The following MFHAS1 variants were observed in gnomAD, a reference collection of about 807,000 sequenced individuals.
MFHAS1 encodes the protein multifunctional ROCO family signaling regulator 1.
In MFHAS1, 50 loss-of-function variants were observed where a neutral mutation model predicts 70.4. The ratio of observed to expected loss-of-function variants is 0.71; its 90% CI spans 0.57 to 0.90. MFHAS1 has a LOEUF of 0.90. MFHAS1 is among the 40% of genes least tolerant of loss of function. The pLI is 0.00. For missense variants in MFHAS1, 1,795 were observed against 1,347.6 expected, an observed-to-expected ratio of 1.33 and a Z score of -5.20; for synonymous variants, 952 against 620.0, an observed-to-expected ratio of 1.54 and a Z score of -7.96.
intron 1 of MFHAS1, among the ~76,000 whole-genome samples, chr8:8,803,830 G>A (rs1057451717): frequency 1.4e-4 from 21 of 151,954 alleles, no homozygotes; most frequent in African/African-American, 2.2e-4. Flanking sequence ...AAATTAGCGG[G>A]GCATCGTGGC....
chr8:8,819,582 C>T (rs1000886662), intron 1 of MFHAS1, among the ~76,000 whole-genome samples: 8 of 133,946 alleles, frequency 6.0e-5, no homozygotes, highest in African/African-American at 1.4e-4. Context: ...CCAGCCTAGG[C>T]GACAGAGCAA....
chr8:8,849,049 T>A (rs1031143219), intron 1 of MFHAS1, among the ~76,000 whole-genome samples: 5 of 149,066 alleles, frequency 3.4e-5, no homozygotes, highest in Non-Finnish European at 7.4e-5. Context: ...TCTGCAGCAA[T>A]TAATTCCTTT....
chr8:8,856,737 C>G (rs1338800376), intron 1 of MFHAS1, among the ~76,000 whole-genome samples: 1 of 152,032 alleles, frequency 6.6e-6, no homozygotes, highest in African/African-American at 2.4e-5. Flanking sequence ...CCATGGCACT[C>G]AGCAGACCCC....
chr8:8,847,203 CAG>C (rs372709830), intron 1 of MFHAS1, among the ~76,000 whole-genome samples: 118 of 152,172 alleles, frequency 7.8e-4, no homozygotes, highest in African/African-American at 2.7e-3. Context: ...TCTTTTGAGA[CAG>C]AGTTTTGCTC....
At chr8:8,870,379 T>A (rs1477810978) in intron 1 of MFHAS1, among the ~76,000 whole-genome samples, 1 of 151,356 alleles carries the variant, frequency 6.6e-6, no homozygotes, top group East Asian at 1.9e-4. Flanking sequence ...AGTGGAAGGA[T>A]AGCTTGAGCC....
intron 1 of MFHAS1, among the ~76,000 whole-genome samples, chr8:8,884,263 C>T (rs1426990123): frequency 6.6e-6 from 1 of 152,028 alleles, no homozygotes; most frequent in Non-Finnish European, 1.5e-5. Context: ...TTTGTTTATC[C>T]TAGTGCCTGA....
intron 1 of MFHAS1, among the ~76,000 whole-genome samples, chr8:8,843,830 C>T (rs1296046818): frequency 6.6e-6 from 1 of 152,058 alleles, no homozygotes; most frequent in African/African-American, 2.4e-5. Context: ...AACTTTTACG[C>T]TAAGGTCCAA....
intron 1 of MFHAS1, among the ~76,000 whole-genome samples, chr8:8,822,893 T>C (rs1258306580): frequency 1.3e-5 from 2 of 151,920 alleles, no homozygotes; most frequent in Non-Finnish European, 2.9e-5. Context: ...TCAGGGAAAC[T>C]GAGAAGGGGT....
rs747043944 is a variant in MFHAS1 at position 8,890,790 on chromosome 8, T to C, written c.2269A>G (p.Ser757Gly). Residue 757 changes from serine (S) to glycine (G), a missense_variant, in exon 1 of 3, where the codon AGT becomes GGT. Coordinates refer to ENST00000276282, the MANE Select transcript of MFHAS1 (RefSeq NM_004225.3). Reference sequence around the variant, plus strand: ...TCCCCCTCCGCCTTGCCCTCTCCACTGGTCCCTAGGAGCAGCTTATGCAGC... The same window carrying C: ...TCCCCCTCCGCCTTGCCCTCTCCACCGGTCCCTAGGAGCAGCTTATGCAGC... ...LLLHKLLLGT[S>G]GEGKAEGESS... The C allele has an allele frequency of 3.5e-5, 57 of 1,614,032 alleles. No individual in the cohort carries two copies. Among genetic ancestry groups the C allele is most frequent in the Non-Finnish European group, 4.7e-5 (56 of 1,180,032 alleles).
rs770561357 is a variant in MFHAS1 at position 8,892,635 on chromosome 8, G to T, written c.424C>A (p.Leu142Ile). Residue 142 changes from leucine to isoleucine, a missense_variant, in exon 1 of 3, where the codon CTC (leucine) becomes ATC (isoleucine). Coordinates refer to ENST00000276282, the MANE Select transcript of MFHAS1 (RefSeq NM_004225.3). This position sits in a 1 kb window ranked among gnomAD's most constrained non-coding sequence, Gnocchi z 4.7. ...SALRELRKLN[L>I]SHNQLPALPA... ...AGGGCGGGCAGCTGGTTGTGGCTGA[G>T]GTTGAGCTTCCGCAGCTCCCTCAGA... 2.5e-6 allele frequency: 4 copies of T among 1,603,262 alleles called. No homozygotes were observed. Among genetic ancestry groups the T allele is most frequent in the Non-Finnish European group, 3.4e-6 (4 of 1,175,804 alleles).
rs767768027 is a variant in MFHAS1 at position 8,891,917 on chromosome 8, G to C, written c.1142C>G (p.Pro381Arg). 8 of 1,610,778 alleles carry C rather than the reference G, an allele frequency of 5.0e-6. No individual in the cohort carries two copies. The highest frequency in any genetic ancestry group is 1.7e-5 in the Admixed American group (1 of 59,854). Reference sequence around the variant, plus strand: ...GATCCCCTTCATGCAGACCTCGTAGGGGGGCTGGATCAGTGGGTTGTCTTT... The same window carrying C: ...GATCCCCTTCATGCAGACCTCGTAGCGGGGCTGGATCAGTGGGTTGTCTTT... ...KIKDNPLIQP[P>R]YEVCMKGIPY... Residue 381 changes from proline to arginine, a missense_variant, in exon 1 of 3, where the codon CCC becomes CGC. Physicochemically the swap from Pro to Arg is moderately radical, Grantham distance 103 (BLOSUM62 -2). Coordinates refer to ENST00000276282, the MANE Select transcript of MFHAS1 (RefSeq NM_004225.3). This position sits in a 1 kb window ranked among gnomAD's most constrained non-coding sequence, Gnocchi z 5.4.
At chr8:8,802,214 A>C (rs753021865) in intron 1 of MFHAS1, among the ~76,000 whole-genome samples, 2 of 152,212 alleles carry the variant, frequency 1.3e-5, no homozygotes, top group Non-Finnish European at 2.9e-5. Context: ...ATTGAGGCTC[A>C]GATGCAAGAG....
rs570032820 is a variant in MFHAS1, at chr8:8,828,733, T to C, written c.2999-31242A>G. Among the ~76,000 whole-genome samples the C allele has an allele frequency of 2.0e-5, 3 of 152,310 alleles. No homozygotes were observed. In the South Asian group the frequency reaches 6.2e-4, roughly 32 times the overall value. ...ATGCGGGCAAGGCCCACGCCACCTT[T>C]ATCTGTGCAGTCCTCACGGCGTGCA... On this transcript the variant is annotated intron_variant, in intron 1 of 2. Coordinates refer to ENST00000276282, the MANE Select transcript of MFHAS1 (RefSeq NM_004225.3).
At chr8:8,865,770 C>G (rs183704682) in intron 1 of MFHAS1, among the ~76,000 whole-genome samples, 1 of 152,222 alleles carries the variant, frequency 6.6e-6, no homozygotes, top group East Asian at 1.9e-4. Flanking sequence ...TTTTTGGGTC[C>G]CAAATTTAAC....
chr8:8,831,931 G>T (rs192687443), intron 1 of MFHAS1, among the ~76,000 whole-genome samples: 1 of 152,204 alleles, frequency 6.6e-6, no homozygotes, highest in Non-Finnish European at 1.5e-5. Context: ...TTTTTGACAA[G>T]AGCCCAGGCA....
chr8:8,798,965 T>A (rs1369561723), intron 1 of MFHAS1, among the ~76,000 whole-genome samples: 1 of 151,942 alleles, frequency 6.6e-6, no homozygotes, highest in Admixed American at 6.6e-5. Context: ...GGTGAATCGC[T>A]TGAACCCGGA....
intron 1 of MFHAS1, among the ~76,000 whole-genome samples, chr8:8,829,801 G>A (rs1467125469): frequency 1.3e-5 from 2 of 152,168 alleles, no homozygotes; most frequent in African/African-American, 4.8e-5. Context: ...GGGAGGGGAA[G>A]ACACATTTCA....
chr8:8,814,849 C>CTT (rs34438669), intron 1 of MFHAS1, among the ~76,000 whole-genome samples: 2 of 130,436 alleles, frequency 1.5e-5, no homozygotes, highest in Non-Finnish European at 1.6e-5. Flanking sequence ...GCTAGAATTT[C>CTT]TTTTTTTTTT....
intron 2 of MFHAS1, among the ~76,000 whole-genome samples, chr8:8,794,039 A>C (rs1292895502): frequency 1.3e-5 from 2 of 152,012 alleles, no homozygotes; most frequent in Non-Finnish European, 2.9e-5. Flanking sequence ...AAATACAAAA[A>C]ATTAGCTAGG....
Sources: gnomAD v4.1 joint callset for allele counts (sites outside exome capture counted in the v4.1 genomes callset) on GRCh38, gnomAD v4.1.1 for gene constraint, Gnocchi (gnomAD v3.1) non-coding constraint, MANE v1.5 for transcripts, NCBI Gene and HGNC (gene_info 2026-07-23, HGNC 2026-07-21) for gene names.